The following HYCC2 variants were observed in gnomAD, a reference collection of about 807,000 sequenced individuals.
The protein encoded by HYCC2 is hyccin 2.
the HYCC2 span, among the ~76,000 whole-genome samples, chr2:201,035,221 C>T: frequency 7.2e-4 from 110 of 152,280 alleles, no homozygotes; most frequent in East Asian, 2.7e-3. Context: ...CCATTCTCCC[C>T]GTCACTTTCA....
At chr2:201,060,062 G>GC in the HYCC2 span, among the ~76,000 whole-genome samples, 3 of 143,360 alleles carry the variant, frequency 2.1e-5, no homozygotes, top group South Asian at 2.5e-4. Context: ...AGCGGGGGGG[G>GC]GGGGGTTCTT....
chr2:201,014,384 A>G, the HYCC2 span, among the ~76,000 whole-genome samples: 1 of 152,208 alleles, frequency 6.6e-6, no homozygotes, highest in Non-Finnish European at 1.5e-5. Flanking sequence ...GAAAGTAGAG[A>G]ATTTTATTCC....
the HYCC2 span, among the ~76,000 whole-genome samples, chr2:201,028,476 A>G: frequency 6.6e-6 from 1 of 152,214 alleles, no homozygotes; most frequent in African/African-American, 2.4e-5. Context: ...TAAAGTTCAT[A>G]TGGAACCAAA....
At chr2:201,032,946 A>C in the HYCC2 span, among the ~76,000 whole-genome samples, 13 of 152,216 alleles carry the variant, frequency 8.5e-5, no homozygotes, top group South Asian at 2.7e-3. Flanking sequence ...AAACATTTTA[A>C]ATGGTTTAAA....
At chr2:201,041,229 T>C in the HYCC2 span, among the ~76,000 whole-genome samples, 1 of 152,224 alleles carries the variant, frequency 6.6e-6, no homozygotes, top group Non-Finnish European at 1.5e-5. Flanking sequence ...TGTAAATGGG[T>C]GTGTGACCTA....
the HYCC2 span, among the ~76,000 whole-genome samples, chr2:201,014,517 T>G: frequency 6.6e-6 from 1 of 152,218 alleles, no homozygotes; most frequent in Non-Finnish European, 1.5e-5. Flanking sequence ...CTAACAATGT[T>G]TTCTTTTTTA....
At chr2:200,977,231 A>G in the HYCC2 span, 1 of 152,182 alleles carries the variant, frequency 6.6e-6, no homozygotes, top group Non-Finnish European at 1.5e-5. Flanking sequence ...GACCAGAACT[A>G]TAAAGAAACT....
the HYCC2 span, chr2:200,988,504 T>G: frequency 9.5e-6 from 9 of 950,498 alleles, no homozygotes; most frequent in Non-Finnish European, 1.4e-5. Context: ...AATTTTCGAA[T>G]ATGTATTTAA....
the HYCC2 span, chr2:200,992,823 A>C: frequency 2.0e-6 from 2 of 988,394 alleles, no homozygotes; most frequent in Non-Finnish European, 1.6e-6. Context: ...AGGAAGAAAG[A>C]GAAATATTCA....
chr2:201,007,279 A>G, the HYCC2 span, among the ~76,000 whole-genome samples: 2 of 152,208 alleles, frequency 1.3e-5, no homozygotes, highest in African/African-American at 4.8e-5. Context: ...CATTTAATAC[A>G]TCTACCCTAC....
the HYCC2 span, among the ~76,000 whole-genome samples, chr2:201,031,509 G>C: frequency 6.6e-6 from 1 of 152,112 alleles, no homozygotes; most frequent in African/African-American, 2.4e-5. Flanking sequence ...AAATTAACCA[G>C]GTATGATGGC....
the HYCC2 span, chr2:200,976,967 C>G: frequency 6.6e-6 from 1 of 152,134 alleles, no homozygotes; most frequent in Admixed American, 6.5e-5. Context: ...TTTAAAATAA[C>G]TAGAAAACAC....
the HYCC2 span, chr2:201,063,976 T>C: frequency 1.3e-6 from 2 of 1,597,712 alleles, no homozygotes; most frequent in African/African-American, 2.7e-5. Flanking sequence ...GCCAATACTT[T>C]GCAAAACCAC....
the HYCC2 span, among the ~76,000 whole-genome samples, chr2:201,041,429 C>T: frequency 2.0e-5 from 3 of 152,224 alleles, no homozygotes; most frequent in Non-Finnish European, 4.4e-5. Context: ...TGCACCTTAA[C>T]TCCAGCACAT....
chr2:201,032,054 G>A, the HYCC2 span, among the ~76,000 whole-genome samples: 56 of 152,106 alleles, frequency 3.7e-4, no homozygotes, highest in African/African-American at 1.1e-3. Flanking sequence ...TCCACCTCCC[G>A]GATTCAAGCA....
the HYCC2 span, among the ~76,000 whole-genome samples, chr2:201,035,478 T>C: frequency 1.6e-4 from 25 of 152,192 alleles, no homozygotes; most frequent in Non-Finnish European, 2.6e-4. Flanking sequence ...CTTCTCTGCA[T>C]TGGTTATTCT....
At chr2:201,054,237 T>C in the HYCC2 span, among the ~76,000 whole-genome samples, 2 of 152,228 alleles carry the variant, frequency 1.3e-5, no homozygotes, top group Non-Finnish European at 2.9e-5. Context: ...CCAATTCTAC[T>C]GGGAGAGGAT....
chr2:201,044,846 G>A, the HYCC2 span, among the ~76,000 whole-genome samples: 1 of 152,014 alleles, frequency 6.6e-6, no homozygotes, highest in East Asian at 1.9e-4. Context: ...CCAATTACAT[G>A]CTAGGTACCA....
At chr2:201,039,045 C>A in the HYCC2 span, among the ~76,000 whole-genome samples, 1 of 152,068 alleles carries the variant, frequency 6.6e-6, no homozygotes, top group South Asian at 2.1e-4. Context: ...TACCTGACAC[C>A]TGGCATTCTC....
Sources: gnomAD v4.1 joint callset for allele counts (sites outside exome capture counted in the v4.1 genomes callset) on GRCh38, gnomAD v4.1.1 for gene constraint, MANE v1.5 for transcripts, NCBI Gene and HGNC (gene_info 2026-07-23, HGNC 2026-07-21) for gene names.